MAGI1: variants seen among roughly 807,000 people sequenced by gnomAD.
MAGI1 encodes the protein membrane-associated guanylate kinase, WW and PDZ domain-containing protein 1.
Under a neutral mutation model 139.9 loss-of-function variants are expected in MAGI1, and 58 were observed. That is an observed-to-expected ratio of 0.41 (90% CI 0.34 to 0.52). The LOEUF is 0.52. Among genes scored for constraint, MAGI1 ranks in the 20% least tolerant of loss-of-function variants. MAGI1 has a pLI of 0.12. For synonymous variants in MAGI1, 812 were observed against 737.9 expected, an observed-to-expected ratio of 1.10 and a Z score of -1.63; for missense variants, 1,874 against 1,901.6, an observed-to-expected ratio of 0.99 and a Z score of 0.27.
intron 12 of MAGI1, among the ~76,000 whole-genome samples, chr3:65,406,029 A>G (rs1390580282): frequency 6.6e-6 from 1 of 152,056 alleles, no homozygotes; most frequent in Non-Finnish European, 1.5e-5. Flanking sequence ...CCCGGCCTCT[A>G]TACTGCTTTT....
chr3:65,487,147 T>C (rs1951687721), intron 3 of MAGI1, among the ~76,000 whole-genome samples: 1 of 152,188 alleles, frequency 6.6e-6, no homozygotes, highest in Non-Finnish European at 1.5e-5. Flanking sequence ...GCAACCTAAC[T>C]CCAGCTCAAC....
intron 1 of MAGI1, among the ~76,000 whole-genome samples, chr3:65,919,049 A>C (rs2062042994): frequency 6.6e-6 from 1 of 152,226 alleles, no homozygotes; most frequent in Non-Finnish European, 1.5e-5. Context: ...CTACACATGA[A>C]ACCAGATAGT....
chr3:65,685,497 C>T (rs2087942310), intron 1 of MAGI1, among the ~76,000 whole-genome samples: 3 of 151,970 alleles, frequency 2.0e-5, no homozygotes, highest in African/African-American at 7.3e-5. Flanking sequence ...ATATCAAAAG[C>T]AGAAAAATCC....
chr3:65,536,406 G>A lies in MAGI1; in HGVS notation c.431-42775C>T, dbSNP rs555774760. Among the ~76,000 whole-genome samples the A allele has an allele frequency of 3.9e-5, 6 of 152,288 alleles. No homozygotes were observed. The South Asian group carries it at 8.3e-4, about 21-fold the overall frequency. On this transcript the variant is annotated intron_variant, in intron 2 of 22. Transcript: ENST00000402939. ...TCTCTCTCCCTGAAATATTGCTAGA[G>A]CATACCCTTCCTGGGTATTTGTACA...
chr3:65,601,548 T>C (rs2082482512), intron 2 of MAGI1, among the ~76,000 whole-genome samples: 1 of 152,060 alleles, frequency 6.6e-6, no homozygotes, highest in South Asian at 2.1e-4. Flanking sequence ...AGTAGAAAAT[T>C]CAACAGTGTT....
At chr3:65,554,795 C>T (rs1211520749) in intron 2 of MAGI1, among the ~76,000 whole-genome samples, 1 of 152,148 alleles carries the variant, frequency 6.6e-6, no homozygotes, top group Non-Finnish European at 1.5e-5. Flanking sequence ...CTAACCAGAA[C>T]ATTTCTTCAA....
At chr3:65,848,270 T>C (rs145488891) in intron 1 of MAGI1, among the ~76,000 whole-genome samples, 6 of 152,274 alleles carry the variant, frequency 3.9e-5, no homozygotes, top group Non-Finnish European at 8.8e-5. Context: ...GAGAAACATA[T>C]GGAAGAATTA....
At chr3:65,423,367 C>A (rs966709020) in intron 12 of MAGI1, among the ~76,000 whole-genome samples, 1 of 150,754 alleles carries the variant, frequency 6.6e-6, no homozygotes, top group Non-Finnish European at 1.5e-5. Flanking sequence ...GAAAAACACA[C>A]GTGCGTGCAC....
intron 1 of MAGI1, among the ~76,000 whole-genome samples, chr3:65,864,579 T>C (rs367616613): frequency 2.0e-5 from 3 of 152,238 alleles, no homozygotes; most frequent in East Asian, 3.9e-4. Context: ...CACAGCTGCA[T>C]AGCAGAATCA....
At chr3:65,717,571 A>G (rs1197468674) in intron 1 of MAGI1, 1 of 152,230 alleles carries the variant, frequency 6.6e-6, no homozygotes, top group Non-Finnish European at 1.5e-5. Flanking sequence ...TCTCAGATCA[A>G]ATTATTACAG....
intron 2 of MAGI1, among the ~76,000 whole-genome samples, chr3:65,521,755 G>A (rs552495019): frequency 6.6e-6 from 1 of 152,252 alleles, no homozygotes; most frequent in Non-Finnish European, 1.5e-5. Context: ...ATGTTATGTT[G>A]TAAGGCATTA....
At chr3:65,416,840 T>G (rs1029484304) in intron 12 of MAGI1, among the ~76,000 whole-genome samples, 1 of 152,090 alleles carries the variant, frequency 6.6e-6, no homozygotes, top group Non-Finnish European at 1.5e-5. Context: ...TGTTCACAAA[T>G]AGGGGACATG....
chr3:65,841,061 C>T (rs937706036), intron 1 of MAGI1, among the ~76,000 whole-genome samples: 9 of 152,128 alleles, frequency 5.9e-5, no homozygotes, highest in East Asian at 1.9e-4. Flanking sequence ...AATTGATATG[C>T]GCAGAGTTGT....
chr3:65,559,616 T>C lies in MAGI1; in HGVS notation c.430+62356A>G, dbSNP rs146817365. 5.3e-3 allele frequency among the ~76,000 whole-genome samples: 809 copies of C among 152,340 alleles called. 7 individuals carry two copies. Among genetic ancestry groups the C allele is most frequent in the African/African-American group, 0.019 (779 of 41,580 alleles). On this transcript the variant is annotated intron_variant, in intron 2 of 22. Coordinates refer to ENST00000402939, the MANE Select transcript of MAGI1 (RefSeq NM_001033057.2). The stretch of plus-strand genomic sequence containing the variant: ...TATGTGATTTCATCCACTACTTCTT[T>C]TAATCAGTCCACACTCCTACAAGGT...
chr3:65,411,591 C>T (rs901014151), intron 12 of MAGI1, among the ~76,000 whole-genome samples: 3 of 152,096 alleles, frequency 2.0e-5, no homozygotes, highest in Admixed American at 6.5e-5. Flanking sequence ...GCTGTGTGGG[C>T]CCTTATTTTA....
At chr3:66,027,253 G>A (rs2068325674) in intron 1 of MAGI1, among the ~76,000 whole-genome samples, 1 of 150,496 alleles carries the variant, frequency 6.6e-6, no homozygotes. Context: ...GGGTGACAAT[G>A]AGACTCCGTC....
chr3:65,945,319 A>G (rs1370294588), intron 1 of MAGI1, among the ~76,000 whole-genome samples: 1 of 152,236 alleles, frequency 6.6e-6, no homozygotes, highest in East Asian at 1.9e-4. Flanking sequence ...TTCATCACCC[A>G]GGTACTAAAC....
At chr3:65,549,106 G>A (rs1207695397) in intron 2 of MAGI1, among the ~76,000 whole-genome samples, 11 of 152,128 alleles carry the variant, frequency 7.2e-5, no homozygotes, top group Admixed American at 2.0e-4. Context: ...GCGCTCCGGG[G>A]CGCGGGCCGA....
intron 1 of MAGI1, among the ~76,000 whole-genome samples, chr3:65,989,645 C>G (rs4688256): frequency 0.48 from 73,644 of 152,092 alleles, 20,236 homozygotes; most frequent in Admixed American, 0.65. Flanking sequence ...TCAAGTGATC[C>G]TCCTGCCTCA....
Sources: allele counts gnomAD v4.1 joint callset (sites outside exome capture counted in the v4.1 genomes callset), GRCh38; gene constraint gnomAD v4.1.1; transcripts MANE v1.5; gene names NCBI Gene and HGNC (gene_info 2026-07-23, HGNC 2026-07-21).